ZNF83: variants seen among roughly 807,000 people sequenced by gnomAD.
The protein encoded by ZNF83 is zinc finger protein 816B.
For synonymous variants in ZNF83, 209 were observed against 213.0 expected (o/e 0.98, Z 0.17); for missense variants, 552 against 629.9 (o/e 0.88, Z 1.32).
intron 1 of ZNF83, among the ~76,000 whole-genome samples, chr19:52,679,613 A>AAAAT (rs750142886): frequency 6.6e-6 from 1 of 152,172 alleles, no homozygotes; most frequent in Non-Finnish European, 1.5e-5. Flanking sequence ...TGTATCTCAA[A>AAAAT]AAATAAATAA....
At chr19:52,633,998 C>T (rs916235624) in intron 2 of ZNF83, among the ~76,000 whole-genome samples, 12 of 151,014 alleles carry the variant, frequency 7.9e-5, no homozygotes, top group Non-Finnish European at 1.6e-4. Context: ...GGCTGGGCAC[C>T]GTGGCTCGCG....
intron 2 of ZNF83, among the ~76,000 whole-genome samples, chr19:52,620,254 C>CTCTGTG (rs55700493): frequency 0.024 from 3,146 of 132,650 alleles, 37 homozygotes; most frequent in Non-Finnish European, 0.035. Flanking sequence ...GTGTGTATAT[C>CTCTGTG]TGTGTGTGTA....
At chr19:52,630,110 G>A (rs531891722) in intron 2 of ZNF83, among the ~76,000 whole-genome samples, 38 of 152,196 alleles carry the variant, frequency 2.5e-4, no homozygotes, top group African/African-American at 8.4e-4. Flanking sequence ...CTCCTAAGCC[G>A]TGTCCCATCT....
intron 2 of ZNF83, among the ~76,000 whole-genome samples, chr19:52,622,209 C>T (rs1443029220): frequency 6.6e-6 from 1 of 152,144 alleles, no homozygotes; most frequent in Admixed American, 6.6e-5. Context: ...ACAATTTCCT[C>T]TTTGAGAAGT....
intron 1 of ZNF83, among the ~76,000 whole-genome samples, chr19:52,685,644 C>T (rs2062001921): frequency 1.3e-5 from 2 of 151,972 alleles, no homozygotes; most frequent in South Asian, 2.1e-4. Flanking sequence ...TGCCTGTAAT[C>T]CCAGCACATT....
intron 1 of ZNF83, chr19:52,636,445 A>T (rs980805143): frequency 6.6e-6 from 1 of 152,228 alleles, no homozygotes; most frequent in Non-Finnish European, 1.5e-5. Flanking sequence ...AAGTCACTCC[A>T]CTGTAGCTGA....
At chr19:52,687,519 ATT>A (rs370090314) in intron 1 of ZNF83, among the ~76,000 whole-genome samples, 1 of 59,128 alleles carries the variant, frequency 1.7e-5, no homozygotes, top group Non-Finnish European at 3.3e-5. Flanking sequence ...TTATATATAA[ATT>A]TTATATATAA....
At chr19:52,639,479 G>A (rs978164118), upstream of ZNF83, among the ~76,000 whole-genome samples, 3 of 135,440 alleles carry the variant, frequency 2.2e-5, no homozygotes, top group Admixed American at 1.7e-4. Flanking sequence ...ATGCGGTGGC[G>A]AGATCTGGGC....
rs569685591 is a variant in ZNF83, at chr19:52,633,478, C to T, written c.-234+1588G>A. 5.7e-5 allele frequency among the ~76,000 whole-genome samples: 7 copies of T among 122,862 alleles called. No homozygotes were observed. The South Asian group carries it at 1.6e-3, about 28-fold the overall frequency. 80.6% of individuals were successfully genotyped at this position (122,862 alleles called of 152,430 possible). A position where few individuals can be genotyped will look rare whatever the true frequency, so the allele number is the denominator to read the frequency against. ...AAAATACACGTGTACGAGACTTGCTCTGATAACCTGGCACAGAACTGACAG... is the reference window on the plus strand; with the variant it reads ...AAAATACACGTGTACGAGACTTGCTTTGATAACCTGGCACAGAACTGACAG... On this transcript the variant is annotated intron_variant, in intron 2 of 2. Transcript: ENST00000301096.
chr19:52,614,177 A>C, exon 3 of ZNF83: 1 of 1,614,138 alleles, frequency 6.2e-7, no homozygotes, highest in Non-Finnish European at 8.5e-7. Flanking sequence ...TTTTTATTGA[A>C]GATCTTGCCA....
At chr19:52,687,613 TG>T (rs566602870) in intron 1 of ZNF83, among the ~76,000 whole-genome samples, 757 of 13,724 alleles carry the variant, frequency 0.055, 96 homozygotes, top group African/African-American at 0.35. Flanking sequence ...ATATATATAA[TG>T]TGTATATATA....
At chr19:52,680,353 G>A (rs1261201260) in intron 1 of ZNF83, among the ~76,000 whole-genome samples, 1 of 152,092 alleles carries the variant, frequency 6.6e-6, no homozygotes, top group Middle Eastern at 3.2e-3. Flanking sequence ...AAAGCCCTCT[G>A]CGCAGGGTTC....
intron 1 of ZNF83, among the ~76,000 whole-genome samples, chr19:52,679,655 AT>A (rs1241249748): frequency 3.3e-5 from 5 of 152,160 alleles, no homozygotes; most frequent in Non-Finnish European, 7.4e-5. Flanking sequence ...GGAAACACTT[AT>A]CAGTCAGTGT....
chr19:52,633,204 G>C (rs1225115689), intron 2 of ZNF83, among the ~76,000 whole-genome samples: 7 of 151,288 alleles, frequency 4.6e-5, no homozygotes, highest in Non-Finnish European at 8.8e-5. Context: ...GCACCTTGTG[G>C]CCCCCACCCC....
At chr19:52,672,318 A>G (rs2147315319) in intron 1 of ZNF83, among the ~76,000 whole-genome samples, 1 of 152,378 alleles carries the variant, frequency 6.6e-6, no homozygotes, top group Non-Finnish European at 1.5e-5. Context: ...CTGTAAGTTA[A>G]CATGTACTAT....
rs61747437 is a variant in ZNF83, at chr19:52,613,261, C to T, written c.1304G>A (p.Gly435Glu). The change falls in exon 3 of 3, where the codon GGG becomes GAG. Residue 435 changes from glycine (G) to glutamate (E), a missense_variant. Coordinates refer to ENST00000301096, the Ensembl canonical transcript of ZNF83. Reference sequence around the variant, plus strand: ...GGATGAGTTTAGACCGAAGACCTTCCCACATTCATTACATTTATAAGCTTT... The same window carrying T: ...GGATGAGTTTAGACCGAAGACCTTCTCACATTCATTACATTTATAAGCTTT... The T allele has an allele frequency of 3.9e-3, 6,308 of 1,613,918 alleles. 17 individuals carry two copies. Among genetic ancestry groups the T allele is most frequent in the Non-Finnish European group, 4.6e-3 (5,432 of 1,179,954 alleles).
chr19:52,624,830 A>G (rs149410982), intron 2 of ZNF83, among the ~76,000 whole-genome samples: 92 of 152,160 alleles, frequency 6.0e-4, no homozygotes, highest in African/African-American at 2.0e-3. Flanking sequence ...CACATTTCTC[A>G]TAACTTCCCA....
rs757815286 is a variant in ZNF83, at chr19:52,614,602, C to T, written c.-38G>A. ...AATGAGACTTTCCTTATAGGTCACA[C>T]GCACTCGCTTATAATGTCTTCAATC... On this transcript the variant is annotated 5_prime_UTR_variant, in exon 3 of 3. The change creates a new upstream start codon in the 5' untranslated region. Transcript: ENST00000301096. The T allele has an allele frequency of 2.0e-5, 30 of 1,531,912 alleles. No individual in the cohort carries two copies. The highest frequency in any genetic ancestry group is 4.1e-5 in the Admixed American group (2 of 48,758). 94.9% of individuals were successfully genotyped at this position (1,531,912 alleles called of 1,614,324 possible).
intron 2 of ZNF83, among the ~76,000 whole-genome samples, chr19:52,626,667 C>A (rs1185027181): frequency 6.6e-6 from 1 of 151,948 alleles, no homozygotes; most frequent in Non-Finnish European, 1.5e-5. Flanking sequence ...CTTTTAACAA[C>A]CCCACAGTAC....
Sources: allele counts gnomAD v4.1 joint callset (sites outside exome capture counted in the v4.1 genomes callset), GRCh38; gene constraint gnomAD v4.1.1; transcripts MANE v1.5; gene names NCBI Gene and HGNC (gene_info 2026-07-23, HGNC 2026-07-21).